ZMYND8: variants seen among roughly 807,000 people sequenced by gnomAD.
The protein encoded by ZMYND8 is zinc finger MYND-type containing 8, also known as MYND-type zinc finger-containing chromatin reader ZMYND8.
In ZMYND8, 37 loss-of-function variants were observed where a neutral mutation model predicts 140.8. That is an observed-to-expected ratio of 0.26 (90% CI 0.20 to 0.35). The LOEUF (loss-of-function observed/expected upper bound fraction) is 0.35. Among genes scored for constraint, ZMYND8 ranks in the 10% least tolerant of loss-of-function variants. ZMYND8 has a pLI of 1.00. For synonymous variants in ZMYND8, 592 were observed against 597.1 expected (o/e 0.99, Z 0.12); for missense variants, 1,068 against 1,570.0 (o/e 0.68, Z 5.40).
At chr20:47,316,490 G>A (rs1391178640) in intron 2 of ZMYND8, among the ~76,000 whole-genome samples, 1 of 151,896 alleles carries the variant, frequency 6.6e-6, no homozygotes, top group African/African-American at 2.4e-5. Context: ...TGAGCCAAGA[G>A]TATGAAGAGC....
intron 2 of ZMYND8, among the ~76,000 whole-genome samples, chr20:47,317,891 G>C (rs1034099350): frequency 3.3e-5 from 5 of 152,166 alleles, no homozygotes; most frequent in African/African-American, 1.2e-4. Flanking sequence ...TTTACAAGTG[G>C]TACCTTGTAA....
At chr20:47,355,012 G>A (rs954858103) in intron 1 of ZMYND8, among the ~76,000 whole-genome samples, 1 of 151,932 alleles carries the variant, frequency 6.6e-6, no homozygotes. Flanking sequence ...CCTAAAACAT[G>A]AGCACACTGA....
At position 47,231,656 on chromosome 20, in the gene ZMYND8, C is replaced by T. The variant is rs182238547; in HGVS notation, c.2857-1850G>A. 5.5e-3 allele frequency among the ~76,000 whole-genome samples: 837 copies of T among 152,292 alleles called. 2 individuals carry two copies. Among genetic ancestry groups the T allele is most frequent in the Admixed American group, 0.013 (195 of 15,306 alleles). On this transcript the variant is annotated intron_variant, in intron 16 of 22. Coordinates refer to ENST00000471951, the MANE Select transcript of ZMYND8 (RefSeq NM_001281775.3). ...TGAATAAAATCTCTGTTGAGATTTCCGCTCCCGGCTTGCTGCGGAGCCCAC... is the reference window on the plus strand; with the variant it reads ...TGAATAAAATCTCTGTTGAGATTTCTGCTCCCGGCTTGCTGCGGAGCCCAC...
chr20:47,318,836 G>A (rs2079642185), intron 2 of ZMYND8: 1 of 722,882 alleles, frequency 1.4e-6, no homozygotes, highest in African/African-American at 1.8e-5. Context: ...TGGAAATGAG[G>A]CTGTGGAATG....
chr20:47,316,174 T>A (rs2079381112), intron 2 of ZMYND8, among the ~76,000 whole-genome samples: 1 of 151,568 alleles, frequency 6.6e-6, no homozygotes, highest in African/African-American at 2.4e-5. Context: ...CTACTAAAAA[T>A]ACAAAAATTA....
chr20:47,286,579 C>A (rs1379358617), intron 8 of ZMYND8, among the ~76,000 whole-genome samples: 1 of 152,182 alleles, frequency 6.6e-6, no homozygotes, highest in Admixed American at 6.5e-5. Context: ...CCAGTGCTAT[C>A]TGAACAGTTT....
chr20:47,240,193 AAG>A (rs2039778718), intron 14 of ZMYND8, among the ~76,000 whole-genome samples: 1 of 151,060 alleles, frequency 6.6e-6, no homozygotes, highest in African/African-American at 2.4e-5. Context: ...GTCTGTGAGA[AAG>A]AGTGAGTGAG....
chr20:47,235,310 C>A (rs916523483), intron 16 of ZMYND8, among the ~76,000 whole-genome samples: 11 of 152,158 alleles, frequency 7.2e-5, no homozygotes, highest in Admixed American at 3.3e-4. Context: ...TTATTACCAC[C>A]GTGGTCTAAT....
chr20:47,218,031 C>G (rs1013612264), intron 21 of ZMYND8, among the ~76,000 whole-genome samples: 4 of 152,178 alleles, frequency 2.6e-5, no homozygotes, highest in Non-Finnish European at 4.4e-5. Flanking sequence ...CGTTTGTTTA[C>G]ATATTATCTA....
intron 19 of ZMYND8, among the ~76,000 whole-genome samples, chr20:47,222,359 C>A (rs1051957378): frequency 4.6e-5 from 7 of 152,182 alleles, no homozygotes; most frequent in Non-Finnish European, 1.0e-4. Context: ...CACAGTAAAA[C>A]CCTGTCTCTA....
intron 1 of ZMYND8, chr20:47,354,233 G>A (rs2083033343): frequency 6.6e-6 from 1 of 152,088 alleles, no homozygotes; most frequent in African/African-American, 2.4e-5. Context: ...ACAGATCTTG[G>A]CTCTCCAAAC....
At chr20:47,269,027 C>T (rs1569047559) in intron 11 of ZMYND8, among the ~76,000 whole-genome samples, 1 of 152,002 alleles carries the variant, frequency 6.6e-6, no homozygotes, top group East Asian at 1.9e-4. Context: ...ATGGCAAAAC[C>T]GCTCTCTACT....
intron 14 of ZMYND8, among the ~76,000 whole-genome samples, chr20:47,242,125 T>C (rs1347974171): frequency 6.6e-6 from 1 of 152,190 alleles, no homozygotes; most frequent in Non-Finnish European, 1.5e-5. Flanking sequence ...CCTATGTCTG[T>C]CTTTTTAAGA....
chr20:47,289,316 T>C (rs1367410365), intron 7 of ZMYND8, among the ~76,000 whole-genome samples: 1 of 152,172 alleles, frequency 6.6e-6, no homozygotes, highest in Non-Finnish European at 1.5e-5. Flanking sequence ...TCAACCCTTA[T>C]AGTGTGTGGA....
intron 5 of ZMYND8, among the ~76,000 whole-genome samples, chr20:47,294,406 A>C (rs929146935): frequency 6.6e-6 from 1 of 152,134 alleles, no homozygotes; most frequent in Admixed American, 6.5e-5. Context: ...TAAATTACTC[A>C]GTCTCAGGTA....
intron 16 of ZMYND8, among the ~76,000 whole-genome samples, chr20:47,230,989 G>A (rs1222652041): frequency 1.3e-5 from 2 of 151,612 alleles, no homozygotes; most frequent in Non-Finnish European, 2.9e-5. Flanking sequence ...AGCAGGCAGC[G>A]GAACTTCATT....
Position 47,350,453 on chromosome 20 carries a change from TTG to T in ZMYND8, c.15-2529_15-2528del, listed in dbSNP as rs536152663. Among the ~76,000 whole-genome samples the T allele has an allele frequency of 3.1e-4, 47 of 151,408 alleles. No homozygotes were observed. In the East Asian group the frequency reaches 3.3e-3, roughly 11 times the overall value. On this transcript the variant is annotated intron_variant, in intron 1 of 22. Transcript: ENST00000471951. Reference sequence around the variant, plus strand: ...TCCTACACCACTGATTTCGGTTTTTTTGTGTGTGTGTGTGTGTTTTTTTTTGA... The same window carrying T: ...TCCTACACCACTGATTTCGGTTTTTTTGTGTGTGTGTGTGTTTTTTTTTGA...
intron 15 of ZMYND8, among the ~76,000 whole-genome samples, chr20:47,237,086 C>T (rs2039332922): frequency 6.6e-6 from 1 of 152,018 alleles, no homozygotes; most frequent in Non-Finnish European, 1.5e-5. Context: ...GTCTTTACCC[C>T]TTTAACTAGG....
At chr20:47,326,619 C>T (rs2148408636) in intron 2 of ZMYND8, among the ~76,000 whole-genome samples, 1 of 152,256 alleles carries the variant, frequency 6.6e-6, no homozygotes, top group Non-Finnish European at 1.5e-5. Context: ...TCCGTAGATC[C>T]TCAGTCTCCC....
Sources: gnomAD v4.1 joint callset for allele counts (sites outside exome capture counted in the v4.1 genomes callset) on GRCh38, gnomAD v4.1.1 for gene constraint, MANE v1.5 for transcripts, NCBI Gene and HGNC (gene_info 2026-07-23, HGNC 2026-07-21) for gene names.